Variants in TEX36 observed in about 807,000 individuals in gnomAD.
The protein encoded by TEX36 is testis expressed 36.
Under a neutral mutation model 13.6 loss-of-function variants are expected in TEX36, and 12 were observed. That is an observed-to-expected ratio of 0.88 (90% CI 0.56 to 1.43). The LOEUF (loss-of-function observed/expected upper bound fraction) is 1.43, where lower values mean the gene tolerates loss of function less well. Among genes scored for constraint, TEX36 ranks in the 40% most tolerant of loss-of-function variants. TEX36 has a pLI of 0.00. For synonymous variants in TEX36, 93 were observed against 83.0 expected, an observed-to-expected ratio of 1.12 and a Z score of -0.65; for missense variants, 224 against 228.3, an observed-to-expected ratio of 0.98 and a Z score of 0.12.
chr10:125,607,105 T>C (rs1022671959), intron 3 of TEX36, among the ~76,000 whole-genome samples: 5 of 152,232 alleles, frequency 3.3e-5, no homozygotes, highest in African/African-American at 1.2e-4. Flanking sequence ...ACTTGGGTGC[T>C]GCAGTCCTGG....
chr10:125,609,929 T>C (rs917028422), intron 3 of TEX36, among the ~76,000 whole-genome samples: 1 of 152,144 alleles, frequency 6.6e-6, no homozygotes, highest in African/African-American at 2.4e-5. Flanking sequence ...CAGGACGCAG[T>C]CAAGAGGCTG....
chr10:125,624,016 T>C (rs1846457004), intron 3 of TEX36, among the ~76,000 whole-genome samples: 1 of 152,220 alleles, frequency 6.6e-6, no homozygotes, highest in African/African-American at 2.4e-5. Context: ...TTGATAATTT[T>C]TCCCTCTTGA....
chr10:125,635,111 G>T (rs973026501), intron 3 of TEX36, among the ~76,000 whole-genome samples: 5 of 152,148 alleles, frequency 3.3e-5, no homozygotes, highest in African/African-American at 1.2e-4. Context: ...TACCAATAGT[G>T]CATGAGAAGT....
intron 1 of TEX36, among the ~76,000 whole-genome samples, chr10:125,677,551 G>C (rs1347567837): frequency 1.3e-5 from 2 of 151,750 alleles, no homozygotes; most frequent in Non-Finnish European, 2.9e-5. Context: ...ATTTCTATTT[G>C]GTTCTTTTCT....
intron 3 of TEX36, among the ~76,000 whole-genome samples, chr10:125,632,398 T>C (rs1846567743): frequency 6.6e-6 from 1 of 152,154 alleles, no homozygotes; most frequent in African/African-American, 2.4e-5. Context: ...GGGAAGAGAC[T>C]CTCCTTCTTT....
intron 3 of TEX36, among the ~76,000 whole-genome samples, chr10:125,639,595 G>A (rs1423384718): frequency 6.6e-6 from 1 of 151,272 alleles, no homozygotes; most frequent in Non-Finnish European, 1.5e-5. Context: ...AAGGGAATGG[G>A]GCAATGTGGG....
At chr10:125,624,241 C>T (rs1846459946) in intron 3 of TEX36, among the ~76,000 whole-genome samples, 1 of 152,184 alleles carries the variant, frequency 6.6e-6, no homozygotes, top group Admixed American at 6.5e-5. Context: ...TTCACTATCC[C>T]CCTAAGAACT....
chr10:125,660,560 C>T (rs942824376), intron 3 of TEX36, among the ~76,000 whole-genome samples: 2 of 152,226 alleles, frequency 1.3e-5, no homozygotes, highest in Non-Finnish European at 2.9e-5. Flanking sequence ...CTGTATCAGA[C>T]TTCATGTTCT....
intron 1 of TEX36, among the ~76,000 whole-genome samples, chr10:125,663,848 TG>T (rs1451578763): frequency 2.1e-4 from 32 of 152,340 alleles, no homozygotes; most frequent in Non-Finnish European, 3.4e-4. Flanking sequence ...CATTTCTTTG[TG>T]TTACAAACAA....
intron 3 of TEX36, among the ~76,000 whole-genome samples, chr10:125,612,055 C>G (rs550128349): frequency 1.3e-5 from 2 of 151,470 alleles, no homozygotes; most frequent in South Asian, 2.1e-4. Context: ...TTTTCCACTC[C>G]CTTTTCTTTT....
intron 1 of TEX36, chr10:125,667,021 GC>G: frequency 6.8e-7 from 1 of 1,461,268 alleles, no homozygotes; most frequent in Non-Finnish European, 9.3e-7. Context: ...CCTTCTTCCT[GC>G]CCCAGGCCTT....
intron 1 of TEX36, among the ~76,000 whole-genome samples, chr10:125,672,023 T>C (rs1043674085): frequency 6.6e-6 from 1 of 152,198 alleles, no homozygotes; most frequent in African/African-American, 2.4e-5. Context: ...TTCTCTCTTT[T>C]CTTCTTTATT....
intron 3 of TEX36, among the ~76,000 whole-genome samples, chr10:125,590,321 T>A (rs1846006950): frequency 1.3e-5 from 2 of 152,114 alleles, no homozygotes; most frequent in African/African-American, 2.4e-5. Flanking sequence ...TTCACTGTGT[T>A]GCCCAGGCTG....
chr10:125,590,489 G>T (rs185783395), intron 3 of TEX36, among the ~76,000 whole-genome samples: 321 of 152,170 alleles, frequency 2.1e-3, no homozygotes, highest in African/African-American at 7.5e-3. Flanking sequence ...GCAATACTTT[G>T]TAAAGATTAA....
chr10:125,622,044 A>G (rs1589758923), intron 3 of TEX36, among the ~76,000 whole-genome samples: 1 of 152,150 alleles, frequency 6.6e-6, no homozygotes, highest in Non-Finnish European at 1.5e-5. Flanking sequence ...ACAATACTCT[A>G]CCACCCATGT....
intron 1 of TEX36, among the ~76,000 whole-genome samples, chr10:125,663,588 A>T (rs1847078796): frequency 6.6e-6 from 1 of 152,164 alleles, no homozygotes; most frequent in Non-Finnish European, 1.5e-5. Flanking sequence ...AGTAATAGCT[A>T]TTCTGACTGG....
At chr10:125,584,827 C>T (rs764139681) in intron 3 of TEX36, among the ~76,000 whole-genome samples, 1 of 152,202 alleles carries the variant, frequency 6.6e-6, no homozygotes, top group Non-Finnish European at 1.5e-5. Flanking sequence ...ACATTTCTGT[C>T]ACGTAGTTCA....
intron 3 of TEX36, among the ~76,000 whole-genome samples, chr10:125,606,898 A>G (rs1353473505): frequency 6.6e-6 from 1 of 152,200 alleles, no homozygotes; most frequent in African/African-American, 2.4e-5. Flanking sequence ...CTCATTAGTC[A>G]TATACTTGCA....
At chr10:125,592,887 T>C (rs1311753317) in intron 3 of TEX36, among the ~76,000 whole-genome samples, 1 of 152,172 alleles carries the variant, frequency 6.6e-6, no homozygotes, top group Admixed American at 6.5e-5. Flanking sequence ...ATGGAAGAGA[T>C]GCCTAGGATG....
Sources: allele counts gnomAD v4.1 joint callset (sites outside exome capture counted in the v4.1 genomes callset), GRCh38; gene constraint gnomAD v4.1.1; transcripts MANE v1.5; gene names NCBI Gene and HGNC (gene_info 2026-07-23, HGNC 2026-07-21).